DPP6: variants seen among roughly 807,000 people sequenced by gnomAD.
DPP6 encodes the protein A-type potassium channel modulatory protein DPP6.
Under a neutral mutation model 122.6 loss-of-function variants are expected in DPP6, and 69 were observed. That is an observed-to-expected ratio of 0.56 (90% CI 0.46 to 0.69). The LOEUF (loss-of-function observed/expected upper bound fraction) is 0.69. Among genes scored for constraint, DPP6 ranks in the 30% least tolerant of loss-of-function variants. DPP6 has a pLI of 0.00. For missense variants in DPP6, 928 were observed against 1,116.9 expected, an observed-to-expected ratio of 0.83 and a Z score of 2.41; for synonymous variants, 418 against 433.1, an observed-to-expected ratio of 0.97 and a Z score of 0.43.
rs1455002616 is a variant in DPP6, at chr7:154,810,879, T to C, written c.1666+3767T>C. On this transcript the variant is annotated intron_variant, in intron 16 of 25. Transcript: ENST00000377770. ...CCTCCTGCCAATGCCTGGATCCCTA[T>C]AATAATCAAACAGATTCCTAGAATT... Among the ~76,000 whole-genome samples the C allele has an allele frequency of 2.0e-5, 3 of 152,222 alleles. No homozygotes were observed. In the East Asian group the frequency reaches 5.8e-4, roughly 29 times the overall value.
rs1483317698 is a variant in DPP6 at position 154,760,262 on chromosome 7, G to A, written c.884-9155G>A. ...TTCTGGGATTAGCAGGTGATTGGTG[G>A]AAGGAACGGGGAGGTTTGGAAAGTC... On this transcript the variant is annotated intron_variant, in intron 8 of 25. Coordinates refer to ENST00000377770, the MANE Select transcript of DPP6 (RefSeq NM_130797.4). This position sits in a 1 kb window ranked among gnomAD's most constrained non-coding sequence, Gnocchi z 4.5. 6.6e-6 allele frequency among the ~76,000 whole-genome samples: 1 copy of A among 152,196 alleles called. No individual in the cohort carries two copies. Among genetic ancestry groups the A allele is most frequent in the African/African-American group, 2.4e-5 (1 of 41,444 alleles).
At chr7:153,840,217 C>T in the DPP6 span, among the ~76,000 whole-genome samples, 120 of 152,282 alleles carry the variant, frequency 7.9e-4, 1 homozygote, top group African/African-American at 2.6e-3. Flanking sequence ...AATTTCCCTA[C>T]TTTCAATTAC....
At chr7:154,876,223 C>A in intron 20 of DPP6, 123 bp downstream of exon 20, 1 of 1,353,296 alleles carries the variant, frequency 7.4e-7, no homozygotes, top group Non-Finnish European at 9.5e-7. Flanking sequence ...GCAATTTGCT[C>A]TTACCTAAAA....
intron 8 of DPP6, among the ~76,000 whole-genome samples, chr7:154,749,148 TGA>T (rs1429338189): frequency 1.4e-5 from 2 of 141,428 alleles, no homozygotes; most frequent in Non-Finnish European, 3.0e-5. Flanking sequence ...GCGGCTTTAC[TGA>T]GAGAGGGTGA....
chr7:154,078,621 A>G (rs1324155965), intron 1 of DPP6, among the ~76,000 whole-genome samples: 1 of 152,190 alleles, frequency 6.6e-6, no homozygotes, highest in African/African-American at 2.4e-5. Context: ...CCACTGTAGG[A>G]TATAAATTAA....
chr7:154,853,900 G>A, intron 17 of DPP6, 73 bp downstream of exon 17: 2 of 1,590,514 alleles, frequency 1.3e-6, no homozygotes, highest in Non-Finnish European at 8.6e-7. Flanking sequence ...TATGAGATCA[G>A]CTGGCCCACA....
chr7:154,312,202 G>C (rs535746321), intron 1 of DPP6, among the ~76,000 whole-genome samples: 1 of 152,280 alleles, frequency 6.6e-6, no homozygotes, highest in Admixed American at 6.5e-5. Context: ...TACAGATCCT[G>C]TTGCTGCTTT....
At chr7:153,999,645 G>T (rs1386625471) in intron 1 of DPP6, among the ~76,000 whole-genome samples, 1 of 152,150 alleles carries the variant, frequency 6.6e-6, no homozygotes, top group Admixed American at 6.6e-5. Flanking sequence ...CTTCAGTTTG[G>T]CTGGAGAACT....
At chr7:154,587,615 T>C in intron 5 of DPP6, 1 of 1,522,064 alleles carries the variant, frequency 6.6e-7, no homozygotes, top group Non-Finnish European at 8.8e-7. Flanking sequence ...GAATTGAGCT[T>C]TCTAAAATGA....
At chr7:154,593,765 G>A (rs558416150) in intron 5 of DPP6, among the ~76,000 whole-genome samples, 16 of 152,280 alleles carry the variant, frequency 1.1e-4, no homozygotes, top group Middle Eastern at 3.4e-3. Flanking sequence ...CTAGGCACTC[G>A]GGGGAGCTCA....
chr7:154,669,491 G>A (rs1346898173), intron 7 of DPP6, 50 bp downstream of exon 7: 2 of 1,546,858 alleles, frequency 1.3e-6, no homozygotes, highest in South Asian at 1.2e-5. Flanking sequence ...GGAAGTTTCT[G>A]TTTTCTAAGC....
At chr7:154,249,414 A>T (rs931265675) in intron 1 of DPP6, among the ~76,000 whole-genome samples, 13 of 152,248 alleles carry the variant, frequency 8.5e-5, no homozygotes, top group African/African-American at 2.7e-4. Context: ...AGATAATAAA[A>T]TTGCTTTTGA....
At chr7:154,318,371 G>A (rs568889089) in intron 1 of DPP6, among the ~76,000 whole-genome samples, 6 of 152,216 alleles carry the variant, frequency 3.9e-5, no homozygotes, top group East Asian at 1.9e-4. Flanking sequence ...AGGTATAATC[G>A]ATTTAGAGAT....
intron 1 of DPP6, among the ~76,000 whole-genome samples, chr7:154,376,250 C>A (rs763580710): frequency 7.0e-4 from 107 of 152,294 alleles, no homozygotes; most frequent in Non-Finnish European, 1.2e-3. Flanking sequence ...ATGTGACCAG[C>A]TGTAATTGTG....
At chr7:153,798,384 C>T in the DPP6 span, among the ~76,000 whole-genome samples, 23 of 152,334 alleles carry the variant, frequency 1.5e-4, no homozygotes, top group African/African-American at 5.1e-4. Context: ...CTTCTACCAT[C>T]CCCCAGCTGA....
chr7:153,954,992 T>C (rs1254533023), intron 1 of DPP6, among the ~76,000 whole-genome samples: 1 of 152,108 alleles, frequency 6.6e-6, no homozygotes, highest in Non-Finnish European at 1.5e-5. Context: ...GAAGTGATGG[T>C]TGGTGGGTGT....
At chr7:154,340,425 G>C (rs2151058853) in intron 1 of DPP6, among the ~76,000 whole-genome samples, 1 of 152,290 alleles carries the variant, frequency 6.6e-6, no homozygotes, top group Non-Finnish European at 1.5e-5. Context: ...TCCATCCCCA[G>C]CTTTCAGCAC....
chr7:154,437,417 G>C (rs1818964861), intron 1 of DPP6, among the ~76,000 whole-genome samples: 1 of 152,194 alleles, frequency 6.6e-6, no homozygotes, highest in South Asian at 2.1e-4. Context: ...CGTGCCAACT[G>C]TCTTGGCTGG....
chr7:154,188,245 G>C (rs138392480), intron 1 of DPP6, among the ~76,000 whole-genome samples: 1 of 151,996 alleles, frequency 6.6e-6, no homozygotes, highest in African/African-American at 2.4e-5. Context: ...AATTAAATGG[G>C]ATATTTTTAT....
Sources: allele counts gnomAD v4.1 joint callset (sites outside exome capture counted in the v4.1 genomes callset), GRCh38; gene constraint gnomAD v4.1.1; non-coding constraint Gnocchi (gnomAD v3.1); transcripts MANE v1.5; gene names NCBI Gene and HGNC (gene_info 2026-07-23, HGNC 2026-07-21).